Variants in PSEN1 observed in about 807,000 individuals in gnomAD.
The protein encoded by PSEN1 is presenilin-1.
Under a neutral mutation model 53.5 loss-of-function variants are expected in PSEN1, and 15 were observed. The observed-to-expected ratio is 0.28, with a 90% CI of 0.19 to 0.43. The LOEUF is 0.43. Among genes scored for constraint, PSEN1 ranks in the 20% least tolerant of loss-of-function variants. The probability of loss-of-function intolerance (pLI) is 1.00; values close to 1 mark genes in which losing one functional copy is unlikely to be tolerated. For synonymous variants in PSEN1, 208 were observed against 209.8 expected, an observed-to-expected ratio of 0.99 and a Z score of 0.08; for missense variants, 387 against 571.2, an observed-to-expected ratio of 0.68 and a Z score of 3.29.
At position 73,197,620 on chromosome 14, in the gene PSEN1, T is replaced by C. The variant is rs796272672; in HGVS notation, c.770-411T>C. ...ATTCATCTCAGAGTAATCTTTTTAA[T>C]TTGTAGTTCATATCCGTGATTAGTT... On this transcript the variant is annotated intron_variant, in intron 7 of 11. Coordinates refer to ENST00000324501, the MANE Select transcript of PSEN1 (RefSeq NM_000021.4). 44 of 187,418 alleles carry C rather than the reference T, an allele frequency of 2.3e-4. 1 individual carries two copies. Among genetic ancestry groups the C allele is most frequent in the African/African-American group, 9.8e-4 (41 of 42,008 alleles). The allele number at this position is 187,418 out of a possible 1,614,324, so 11.6% of individuals were successfully genotyped here. A position where few individuals can be genotyped will look rare whatever the true frequency, so the allele number is the denominator to read the frequency against.
intron 3 of PSEN1, among the ~76,000 whole-genome samples, chr14:73,158,285 TA>T (rs1897423608): frequency 2.1e-5 from 2 of 95,610 alleles, no homozygotes; most frequent in African/African-American, 8.6e-5. Context: ...CTTTTTTTTC[TA>T]TCTATCTATC....
chr14:73,164,076 G>T (rs1043167491), intron 3 of PSEN1, among the ~76,000 whole-genome samples: 1 of 152,188 alleles, frequency 6.6e-6, no homozygotes, highest in African/African-American at 2.4e-5. Flanking sequence ...ATAGAAAGAA[G>T]CAGATAGATC....
intron 10 of PSEN1, 29 bp from the exon 11 acceptor site, chr14:73,217,097 T>G: frequency 6.2e-7 from 1 of 1,613,164 alleles, no homozygotes; most frequent in Non-Finnish European, 8.5e-7. Context: ...GTGACCAACT[T>G]TTTAATATTT....
At chr14:73,163,734 G>T (rs973371480) in intron 3 of PSEN1, among the ~76,000 whole-genome samples, 29 of 152,312 alleles carry the variant, frequency 1.9e-4, no homozygotes, top group African/African-American at 6.7e-4. Flanking sequence ...CATTCCAGAT[G>T]AACCAGCCCT....
intron 8 of PSEN1, among the ~76,000 whole-genome samples, chr14:73,201,288 A>G (rs1233171361): frequency 6.6e-6 from 1 of 152,026 alleles, no homozygotes; most frequent in East Asian, 1.9e-4. Context: ...GGGTTTCACC[A>G]TGTTAGCCAG....
At chr14:73,152,876 C>A (rs1249710544) in intron 3 of PSEN1, among the ~76,000 whole-genome samples, 1 of 152,176 alleles carries the variant, frequency 6.6e-6, no homozygotes, top group Non-Finnish European at 1.5e-5. Context: ...AACCCTGTCT[C>A]TATTAAAAAT....
At chr14:73,215,702 A>T (rs962800020) in intron 10 of PSEN1, among the ~76,000 whole-genome samples, 2 of 152,216 alleles carry the variant, frequency 1.3e-5, no homozygotes, top group East Asian at 3.8e-4. Flanking sequence ...TTGACTAGAC[A>T]TTCTACCAAA....
chr14:73,158,052 G>A lies in PSEN1; in HGVS notation c.87+9946G>A, dbSNP rs546797618. Among the ~76,000 whole-genome samples the A allele has an allele frequency of 6.6e-5, 10 of 151,546 alleles. No individual in the cohort carries two copies. In the East Asian group the frequency reaches 1.4e-3, roughly 21 times the overall value. ...TTTCAGCATAATTATTTTGAAATTC[G>A]TCCATGTTATGTGGTTCCTTTTTAT... On this transcript the variant is annotated intron_variant, in intron 3 of 11. Transcript: ENST00000324501.
At chr14:73,203,571 A>G (rs1899319579) in intron 8 of PSEN1, among the ~76,000 whole-genome samples, 2 of 152,222 alleles carry the variant, frequency 1.3e-5, no homozygotes. Context: ...AAATCAATAA[A>G]TAATTCTTTC....
At chr14:73,139,005 C>T (rs1035322473) in intron 1 of PSEN1, among the ~76,000 whole-genome samples, 5 of 150,558 alleles carry the variant, frequency 3.3e-5, no homozygotes, top group African/African-American at 9.8e-5. Flanking sequence ...GCTGGGTGGC[C>T]GGGCGCAGCG....
At chr14:73,144,549 TTTATAAAGAGGCAA>T (rs1016429976) in intron 1 of PSEN1, among the ~76,000 whole-genome samples, 3 of 152,178 alleles carry the variant, frequency 2.0e-5, no homozygotes, top group African/African-American at 7.2e-5. Flanking sequence ...GGTTTGGAGT[TTTATAAAGAGGCAA>T]TATAGTGTAC....
At chr14:73,213,735 T>A (rs1292279630) in intron 10 of PSEN1, among the ~76,000 whole-genome samples, 1 of 152,208 alleles carries the variant, frequency 6.6e-6, no homozygotes, top group Non-Finnish European at 1.5e-5. Context: ...GTAAAAATGA[T>A]CTGTAAACAC....
At chr14:73,143,462 T>A (rs1896982651) in intron 1 of PSEN1, among the ~76,000 whole-genome samples, 1 of 152,166 alleles carries the variant, frequency 6.6e-6, no homozygotes, top group Admixed American at 6.5e-5. Context: ...ATCTTTCACC[T>A]TTTCTGAGTT....
At chr14:73,174,801 C>T (rs1328155575) in intron 5 of PSEN1, among the ~76,000 whole-genome samples, 5 of 152,112 alleles carry the variant, frequency 3.3e-5, no homozygotes, top group Admixed American at 1.3e-4. Flanking sequence ...TACTTCCTTC[C>T]TTGGGAAGTC....
At chr14:73,204,275 G>T (rs1018076757) in intron 8 of PSEN1, among the ~76,000 whole-genome samples, 2 of 150,594 alleles carry the variant, frequency 1.3e-5, no homozygotes, top group African/African-American at 4.9e-5. Flanking sequence ...TGGGATTACA[G>T]GTGTGAGCCA....
At chr14:73,211,695 G>C (rs757705689) in intron 9 of PSEN1, 74 bp from the exon 10 acceptor site, 3 of 1,521,112 alleles carry the variant, frequency 2.0e-6, no homozygotes, top group Middle Eastern at 1.7e-4. Context: ...GCTAGTTACT[G>C]TTTCCATGTA....
In PSEN1 at chr14:73,139,278, G is replaced by GT. The variant is rs951834299; in HGVS notation, c.-136+2705dup. ...AGCCTGGGCAACAGAGTGAGACTTC[G>GT]TTTTTTTTTTAAAAAAAGGCTGGGC... is the stretch of plus-strand genomic sequence containing the variant. On this transcript the variant is annotated intron_variant, in intron 1 of 11. Transcript: ENST00000324501. 1.0e-3 allele frequency: 148 copies of GT among 142,112 alleles called. 1 individual carries two copies. The East Asian group carries it at 0.013, about 12-fold the overall frequency. 8.8% of individuals were successfully genotyped at this position (142,112 alleles called of 1,614,324 possible). A position where few individuals can be genotyped will look rare whatever the true frequency, so the allele number is the denominator to read the frequency against.
rs201726198 is a variant in PSEN1 at position 73,219,603 on chromosome 14, G to A, written c.*314G>A. 7 of 389,352 alleles carry A rather than the reference G, an allele frequency of 1.8e-5. No individual in the cohort carries two copies. The highest frequency in any genetic ancestry group is 6.8e-5 in the South Asian group (3 of 43,992). 24.1% of individuals were successfully genotyped at this position (389,352 alleles called of 1,614,324 possible). A position where few individuals can be genotyped will look rare whatever the true frequency, so the allele number is the denominator to read the frequency against. Reference sequence around the variant, plus strand: ...TGCTGTGCCCCATCAGCAGCTTGACGCGTGGTCACAGGACGATTTCACTGA... The same window carrying A: ...TGCTGTGCCCCATCAGCAGCTTGACACGTGGTCACAGGACGATTTCACTGA... On this transcript the variant is annotated 3_prime_UTR_variant, in exon 12 of 12. Transcript: ENST00000324501.
intron 5 of PSEN1, chr14:73,174,075 T>C (rs975199531): frequency 9.4e-6 from 3 of 318,400 alleles, no homozygotes; most frequent in Admixed American, 4.5e-5. Context: ...ATATATATTA[T>C]GATTAGTTAT....
Sources: gnomAD v4.1 joint callset for allele counts (sites outside exome capture counted in the v4.1 genomes callset) on GRCh38, gnomAD v4.1.1 for gene constraint, MANE v1.5 for transcripts, NCBI Gene and HGNC (gene_info 2026-07-23, HGNC 2026-07-21) for gene names.